WNK3: variants seen among roughly 807,000 people sequenced by gnomAD.
The protein encoded by WNK3 is WNK lysine deficient protein kinase 3.
A neutral mutation model predicts 116.7 loss-of-function variants in WNK3; 18 were observed. The observed-to-expected ratio is 0.15, with a 90% CI of 0.11 to 0.23. The LOEUF (loss-of-function observed/expected upper bound fraction) is 0.23. Ranked by LOEUF, WNK3 falls within the 10% of genes least tolerant of loss-of-function variation. The pLI, the probability that WNK3 is intolerant of heterozygous loss-of-function variation, is 1.00. For synonymous variants in WNK3, 404 were observed against 469.4 expected, an observed-to-expected ratio of 0.86 and a Z score of 1.80; for missense variants, 993 against 1,323.8, an observed-to-expected ratio of 0.75 and a Z score of 3.88.
chrX:54,298,890 G>C (rs2068726588), intron 6 of WNK3, among the ~76,000 whole-genome samples: 2 of 112,162 alleles, frequency 1.8e-5, no homozygotes, highest in Non-Finnish European at 3.8e-5. Context: ...GTTATAAATA[G>C]AAGTCACTGT....
intron 10 of WNK3, among the ~76,000 whole-genome samples, chrX:54,265,991 A>G (rs1447120633): frequency 8.9e-6 from 1 of 111,992 alleles, no homozygotes; most frequent in African/African-American, 3.2e-5. Context: ...CAGCCTGGAC[A>G]AGACAGCGAA....
intron 7 of WNK3, among the ~76,000 whole-genome samples, chrX:54,296,521 C>G (rs11798226): frequency 9.1e-6 from 1 of 110,285 alleles, no homozygotes; most frequent in African/African-American, 3.3e-5. Context: ...TTCAGGAAAT[C>G]CAAAATTAAA....
chrX:54,198,270 T>A, exon 24 of WNK3: 2 of 991,232 alleles, frequency 2.0e-6, no homozygotes, highest in East Asian at 3.3e-5. Context: ...ATATCTTGGG[T>A]GTCCTGAAAA....
At chrX:54,276,684 A>G (rs1220958333) in intron 10 of WNK3, among the ~76,000 whole-genome samples, 1 of 110,792 alleles carries the variant, frequency 9.0e-6, no homozygotes, top group Non-Finnish European at 1.9e-5. Flanking sequence ...CATATCATTA[A>G]CACAGAAGAA....
At chrX:54,340,712 A>C (rs111444368) in intron 1 of WNK3, among the ~76,000 whole-genome samples, 6,576 of 112,120 alleles carry the variant, frequency 0.059, 154 homozygotes, top group East Asian at 0.092. Context: ...AGAAATCCAA[A>C]AGACCAATAA....
chrX:54,278,959 T>A (rs191886825), intron 10 of WNK3, among the ~76,000 whole-genome samples: 1 of 110,602 alleles, frequency 9.0e-6, no homozygotes, highest in Non-Finnish European at 1.9e-5. Flanking sequence ...TTCTAGCTAC[T>A]TGGGAGGCTG....
intron 10 of WNK3, among the ~76,000 whole-genome samples, chrX:54,266,956 T>C (rs893068114): frequency 2.7e-5 from 3 of 110,629 alleles, no homozygotes; most frequent in African/African-American, 6.6e-5. Flanking sequence ...TGTGTTCTCA[T>C]TGTTCAACTC....
intron 5 of WNK3, among the ~76,000 whole-genome samples, chrX:54,307,154 G>C (rs1557168842): frequency 9.4e-6 from 1 of 106,599 alleles, no homozygotes; most frequent in Non-Finnish European, 1.9e-5. Context: ...TTGAACCCGG[G>C]AGGTGGAGGT....
intron 10 of WNK3, among the ~76,000 whole-genome samples, chrX:54,281,012 C>T (rs2068510050): frequency 9.0e-6 from 1 of 111,301 alleles, no homozygotes; most frequent in African/African-American, 3.3e-5. Flanking sequence ...GCTATTTTTT[C>T]CCAGCTTTAC....
At chrX:54,332,447 C>T (rs782568686) in intron 2 of WNK3, among the ~76,000 whole-genome samples, 6 of 112,241 alleles carry the variant, frequency 5.3e-5, no homozygotes, top group African/African-American at 1.9e-4. Flanking sequence ...ATATGCCACA[C>T]TGAATATATT....
intron 22 of WNK3, among the ~76,000 whole-genome samples, chrX:54,210,809 C>T (rs1557143608): frequency 8.9e-6 from 1 of 111,870 alleles, no homozygotes; most frequent in African/African-American, 3.2e-5. Context: ...CAAAAGGAAT[C>T]CTAAAATTGG....
At chrX:54,202,357 T>G (rs192837637) in intron 22 of WNK3, among the ~76,000 whole-genome samples, 164 bp from the exon 23 acceptor site, 47 of 111,915 alleles carry the variant, frequency 4.2e-4, no homozygotes, top group African/African-American at 1.5e-3. Flanking sequence ...TTAAAGCTGT[T>G]GTCCTGGAGT....
chrX:54,275,902 G>A (rs1192825419), intron 10 of WNK3, among the ~76,000 whole-genome samples: 4 of 110,736 alleles, frequency 3.6e-5, no homozygotes, highest in African/African-American at 1.3e-4. Context: ...CATAATATCA[G>A]ATAAAGTTGA....
chrX:54,225,213 T>C (rs1247778627), intron 22 of WNK3, among the ~76,000 whole-genome samples: 1 of 109,385 alleles, frequency 9.1e-6, no homozygotes. Flanking sequence ...ATCATGCCAC[T>C]ACACTCAACC....
At chrX:54,302,699 T>TTCTCTC (rs782673409) in intron 5 of WNK3, among the ~76,000 whole-genome samples, 2,195 of 23,134 alleles carry the variant, frequency 0.095, 105 homozygotes, top group South Asian at 0.11. Context: ...AACATTCCAA[T>TTCTCTC]TCTCTCTCTC....
intron 1 of WNK3, chrX:54,343,773 G>T (rs1461378540): frequency 9.1e-6 from 1 of 109,519 alleles, no homozygotes; most frequent in East Asian, 2.9e-4. Flanking sequence ...GCGATCCTCC[G>T]ACTTCAGCCT....
At chrX:54,242,568 A>G (rs2068033173) in intron 17 of WNK3, among the ~76,000 whole-genome samples, 1 of 112,695 alleles carries the variant, frequency 8.9e-6, no homozygotes, top group African/African-American at 3.2e-5. Context: ...TGCTACTGGC[A>G]TAAGGATAGA....
chrX:54,347,306 C>A (rs901932151), intron 1 of WNK3, among the ~76,000 whole-genome samples: 1 of 111,402 alleles, frequency 9.0e-6, no homozygotes, highest in African/African-American at 3.3e-5. Flanking sequence ...ACCAACACAG[C>A]GAAACCTCGT....
intron 20 of WNK3, among the ~76,000 whole-genome samples, chrX:54,234,881 C>T (rs186683348): frequency 1.6e-3 from 178 of 109,728 alleles, no homozygotes; most frequent in Non-Finnish European, 2.7e-3. Context: ...CAATAGAATA[C>T]TTATATCACA....
Sources: gnomAD v4.1 joint callset for allele counts (sites outside exome capture counted in the v4.1 genomes callset) on GRCh38, gnomAD v4.1.1 for gene constraint, MANE v1.5 for transcripts, NCBI Gene and HGNC (gene_info 2026-07-23, HGNC 2026-07-21) for gene names.